The following IGF2BP3 variants were observed in gnomAD, a reference collection of about 807,000 sequenced individuals.
IGF2BP3 encodes insulin-like growth factor 2 mRNA-binding protein 3.
A neutral mutation model predicts 73.8 loss-of-function variants in IGF2BP3; 9 were observed. That is an observed-to-expected ratio of 0.12 (90% CI 0.07 to 0.21). IGF2BP3 has a LOEUF of 0.21. Among genes scored for constraint, IGF2BP3 ranks in the 10% least tolerant of loss-of-function variants. IGF2BP3 has a pLI of 1.00. For synonymous variants in IGF2BP3, 258 were observed against 256.7 expected (o/e 1.01, Z -0.05); for missense variants, 542 against 714.0 (o/e 0.76, Z 2.75).
intron 14 of IGF2BP3, 111 bp downstream of exon 14, chr7:23,312,622 TGA>T (rs1186702908): frequency 1.1e-6 from 1 of 916,788 alleles, no homozygotes; most frequent in East Asian, 2.6e-5. Flanking sequence ...AAAAGGGAGA[TGA>T]AAAGTCTTAA....
At chr7:23,414,612 G>A (rs941280983) in intron 3 of IGF2BP3, 1 of 152,346 alleles carries the variant, frequency 6.6e-6, no homozygotes, top group Non-Finnish European at 1.5e-5. Flanking sequence ...GAGGCATTAG[G>A]GCAAACAAAG....
intron 2 of IGF2BP3, among the ~76,000 whole-genome samples, chr7:23,436,110 C>T (rs1285477598): frequency 6.6e-6 from 1 of 152,120 alleles, no homozygotes; most frequent in Non-Finnish European, 1.5e-5. Flanking sequence ...AGGAGGGAAT[C>T]CTTGACATTA....
chr7:23,369,252 G>A (rs1364863091), intron 3 of IGF2BP3, among the ~76,000 whole-genome samples: 1 of 152,018 alleles, frequency 6.6e-6, no homozygotes, highest in Non-Finnish European at 1.5e-5. Flanking sequence ...ACCGAGACAG[G>A]ACCAAATTAA....
rs182707668 is a variant in IGF2BP3, at chr7:23,447,073, G to A, written c.236+21409C>T. Among the ~76,000 whole-genome samples the A allele has an allele frequency of 1.6e-4, 25 of 151,972 alleles. No individual in the cohort carries two copies. In the East Asian group the frequency reaches 3.7e-3, roughly 22 times the overall value. On this transcript the variant is annotated intron_variant, in intron 2 of 14. Coordinates refer to ENST00000258729, the MANE Select transcript of IGF2BP3 (RefSeq NM_006547.3). ...CAAAAAATTAGTCAAGTGCAGTGGC[G>A]GGCACCTGTAATCCCAGCTACTTGG...
intron 3 of IGF2BP3, chr7:23,402,634 A>T (rs1473925630): frequency 6.6e-6 from 1 of 152,224 alleles, no homozygotes; most frequent in East Asian, 1.9e-4. Context: ...TATCATGACA[A>T]GACAAACTTA....
chr7:23,311,466 G>A lies in IGF2BP3; in HGVS notation c.*896C>T, dbSNP rs2268742. 6.6e-6 allele frequency: 1 copy of A among 152,452 alleles called. No homozygotes were observed. The highest frequency in any genetic ancestry group is 1.5e-5 in the Non-Finnish European group (1 of 68,030). 9.4% of individuals were successfully genotyped at this position (152,452 alleles called of 1,614,324 possible). A position where few individuals can be genotyped will look rare whatever the true frequency, so the allele number is the denominator to read the frequency against. ...AACCAGCCGTTCCAAAATCTCCTGCGACCACTTTGTTAGTACCGTCAAAAA... is the reference window on the plus strand; with the variant it reads ...AACCAGCCGTTCCAAAATCTCCTGCAACCACTTTGTTAGTACCGTCAAAAA... On this transcript the variant is annotated 3_prime_UTR_variant, in exon 15 of 15. Coordinates refer to ENST00000258729, the MANE Select transcript of IGF2BP3 (RefSeq NM_006547.3).
At chr7:23,413,664 T>C (rs532960541) in intron 3 of IGF2BP3, 42 of 152,314 alleles carry the variant, frequency 2.8e-4, no homozygotes, top group African/African-American at 1.0e-3. Context: ...CTCCTTCTAA[T>C]GTACACTTCC....
intron 2 of IGF2BP3, among the ~76,000 whole-genome samples, chr7:23,465,388 C>G (rs1788542540): frequency 6.6e-6 from 1 of 152,234 alleles, no homozygotes; most frequent in Admixed American, 6.5e-5. Flanking sequence ...TGTAAAGTAA[C>G]TGCTATAATC....
chr7:23,445,494 A>C (rs1160206290), intron 2 of IGF2BP3, among the ~76,000 whole-genome samples: 1 of 151,784 alleles, frequency 6.6e-6, no homozygotes, highest in Non-Finnish European at 1.5e-5. Context: ...TACACTATAG[A>C]GTATTACTTA....
At chr7:23,418,942 T>C (rs948294678) in intron 2 of IGF2BP3, 118 bp from the exon 3 acceptor site, 9 of 637,562 alleles carry the variant, frequency 1.4e-5, no homozygotes, top group African/African-American at 5.5e-5. Context: ...TACAAACCAA[T>C]ATCTATTAAG....
chr7:23,456,736 T>G (rs1017271190), intron 2 of IGF2BP3, among the ~76,000 whole-genome samples: 22 of 115,976 alleles, frequency 1.9e-4, no homozygotes, highest in African/African-American at 7.5e-4. Context: ...AACTTATAAC[T>G]AATTATGTCA....
In IGF2BP3 at chr7:23,328,843, A is replaced by G. The variant is rs141456296; in HGVS notation, c.1204-9589T>C. 3.7e-3 allele frequency among the ~76,000 whole-genome samples: 558 copies of G among 152,350 alleles called. 4 individuals carry two copies. The highest frequency in any genetic ancestry group is 0.013 in the African/African-American group (544 of 41,586). ...TGCTCAAGAAGAATGACAGAAGCCC[A>G]GTGAAAAGACAGACATGGAAAACCA... is the stretch of plus-strand genomic sequence containing the variant. On this transcript the variant is annotated intron_variant, in intron 10 of 14. Transcript: ENST00000258729.
intron 3 of IGF2BP3, among the ~76,000 whole-genome samples, chr7:23,379,146 C>A (rs1785826714): frequency 6.6e-6 from 1 of 152,170 alleles, no homozygotes; most frequent in Admixed American, 6.5e-5. Context: ...AATGGGTGGA[C>A]AAATTATCAG....
chr7:23,341,403 C>T lies in IGF2BP3; in HGVS notation c.1203+661G>A, dbSNP rs151301371. 7.7e-3 allele frequency among the ~76,000 whole-genome samples: 1,174 copies of T among 152,304 alleles called. 10 individuals carry two copies. Among genetic ancestry groups the T allele is most frequent in the Non-Finnish European group, 9.6e-3 (655 of 68,024 alleles). ...TAATTACTGGCCAGGTAATAGCTCA[C>T]GCCTATAACCCCAGCACTTTGAGAG... On this transcript the variant is annotated intron_variant, in intron 10 of 14. Coordinates refer to ENST00000258729, the MANE Select transcript of IGF2BP3 (RefSeq NM_006547.3).
At chr7:23,316,450 G>C (rs996047585) in intron 12 of IGF2BP3, among the ~76,000 whole-genome samples, 1 of 152,156 alleles carries the variant, frequency 6.6e-6, no homozygotes, top group Non-Finnish European at 1.5e-5. Flanking sequence ...GGGAGGCTAA[G>C]GTGGGCGGAT....
rs34795303 is a variant in IGF2BP3, at chr7:23,364,547, C to CAA, written c.286-2808_286-2807dup. ...TGGGAAACAGAGCGAGACTTTGTGT[C>CAA]AAAAAAAAAAAAAAAAAAAAAAAAG... On this transcript the variant is annotated intron_variant, in intron 3 of 14. Coordinates refer to ENST00000258729, the MANE Select transcript of IGF2BP3 (RefSeq NM_006547.3). Among the ~76,000 whole-genome samples the CAA allele has an allele frequency of 2.3e-3, 93 of 40,290 alleles. 1 individual carries two copies. The highest frequency in any genetic ancestry group is 4.1e-3 in the African/African-American group (41 of 10,034). The allele number at this position is 40,290 out of a possible 152,430, so 26.4% of individuals were successfully genotyped here. A position where few individuals can be genotyped will look rare whatever the true frequency, so the allele number is the denominator to read the frequency against.
At chr7:23,400,838 G>A (rs1239807406) in intron 3 of IGF2BP3, among the ~76,000 whole-genome samples, 2 of 152,176 alleles carry the variant, frequency 1.3e-5, no homozygotes, top group Admixed American at 1.3e-4. Context: ...CTTGCTCTGT[G>A]GCCTAGGCTG....
At chr7:23,462,575 G>A (rs1487934889) in intron 2 of IGF2BP3, among the ~76,000 whole-genome samples, 3 of 152,068 alleles carry the variant, frequency 2.0e-5, no homozygotes, top group Non-Finnish European at 4.4e-5. Flanking sequence ...TGTTAGCCAG[G>A]ATGGTCTCGA....
intron 3 of IGF2BP3, among the ~76,000 whole-genome samples, chr7:23,381,434 C>T (rs1255724823): frequency 6.6e-6 from 1 of 152,142 alleles, no homozygotes; most frequent in Non-Finnish European, 1.5e-5. Context: ...TTCAAAAGCT[C>T]TTCATACCAG....
Sources: allele counts gnomAD v4.1 joint callset (sites outside exome capture counted in the v4.1 genomes callset), GRCh38; gene constraint gnomAD v4.1.1; transcripts MANE v1.5; gene names NCBI Gene and HGNC (gene_info 2026-07-23, HGNC 2026-07-21).